The following KCNN3 variants were observed in gnomAD, a reference collection of about 807,000 sequenced individuals.
KCNN3 encodes the protein small conductance calcium-activated potassium channel protein 3.
In KCNN3, 16 loss-of-function variants were observed where a neutral mutation model predicts 62.9. The ratio of observed to expected loss-of-function variants is 0.25; its 90% confidence interval spans 0.17 to 0.39. The LOEUF (loss-of-function observed/expected upper bound fraction) is 0.39, where lower values mean the gene tolerates loss of function less well. Among genes scored for constraint, KCNN3 ranks in the 10% least tolerant of loss-of-function variants. The pLI, the probability that KCNN3 is intolerant of heterozygous loss-of-function variation, is 1.00. For synonymous variants in KCNN3, 370 were observed against 389.2 expected (o/e 0.95, Z 0.58); for missense variants, 599 against 949.4 (o/e 0.63, Z 4.85).
chr1:154,841,469 AG>A (rs1170132599), intron 1 of KCNN3, among the ~76,000 whole-genome samples: 2 of 152,190 alleles, frequency 1.3e-5, no homozygotes, highest in Non-Finnish European at 2.9e-5. Flanking sequence ...AAAGATCCCC[AG>A]GGGATTCCAA....
At chr1:154,786,755 T>C (rs986438797) in intron 2 of KCNN3, among the ~76,000 whole-genome samples, 2 of 152,216 alleles carry the variant, frequency 1.3e-5, no homozygotes, top group Non-Finnish European at 2.9e-5. Flanking sequence ...CCTATTGATT[T>C]TTTTCCTTTT....
At chr1:154,765,064 G>A (rs1571252772) in intron 3 of KCNN3, among the ~76,000 whole-genome samples, 1 of 152,138 alleles carries the variant, frequency 6.6e-6, no homozygotes, top group African/African-American at 2.4e-5. Context: ...GGATGCCTGT[G>A]TGCCTCTAGG....
intron 3 of KCNN3, among the ~76,000 whole-genome samples, chr1:154,757,582 T>C (rs1023196021): frequency 2.6e-5 from 4 of 152,202 alleles, no homozygotes; most frequent in African/African-American, 7.2e-5. Context: ...TCCCAGGCCA[T>C]TATGCCTGGG....
chr1:154,731,088 G>T (rs1700583466), intron 4 of KCNN3, among the ~76,000 whole-genome samples: 1 of 152,184 alleles, frequency 6.6e-6, no homozygotes, highest in African/African-American at 2.4e-5. Context: ...GAGGCTCCCG[G>T]CAGGGCCCAT....
rs1438160919 is a variant in KCNN3, at chr1:154,846,066, A to G, written c.933+22966T>C. ...TGGCACAGCACCCACACCAGCCAAC[A>G]CCAGCTGGCAGCGGCTGCCCTGGCT... On this transcript the variant is annotated intron_variant, in intron 1 of 7. Transcript: ENST00000271915. Among the ~76,000 whole-genome samples the G allele has an allele frequency of 2.0e-5, 3 of 152,230 alleles. No homozygotes were observed. The East Asian group carries it at 5.8e-4, about 29-fold the overall frequency.
In KCNN3 at chr1:154,857,841, C is replaced by T. The variant is rs1004624492; in HGVS notation, c.933+11191G>A. Among the ~76,000 whole-genome samples the T allele has an allele frequency of 3.9e-5, 6 of 152,280 alleles. No homozygotes were observed. The East Asian group carries it at 1.2e-3, about 29-fold the overall frequency. The stretch of plus-strand genomic sequence containing the variant: ...AGGCCCTTAATAAATATTCTCTTCT[C>T]CACCGCCTGTCACCTCTTCACTCCT... On this transcript the variant is annotated intron_variant, in intron 1 of 7. Coordinates refer to ENST00000271915, the MANE Select transcript of KCNN3 (RefSeq NM_002249.6).
chr1:154,841,124 T>C (rs891772454), intron 1 of KCNN3, among the ~76,000 whole-genome samples: 2 of 152,164 alleles, frequency 1.3e-5, no homozygotes, highest in Non-Finnish European at 2.9e-5. Context: ...GGAGGGTCTT[T>C]TCCGGGTAAA....
At chr1:154,816,497 G>A (rs143245116) in intron 2 of KCNN3, among the ~76,000 whole-genome samples, 1 of 152,336 alleles carries the variant, frequency 6.6e-6, no homozygotes, top group East Asian at 1.9e-4. Context: ...TGGCCTGGAT[G>A]TAGGGACGGC....
chr1:154,792,566 G>A (rs6683401), intron 2 of KCNN3, among the ~76,000 whole-genome samples: 2,544 of 152,292 alleles, frequency 0.017, 62 homozygotes, highest in African/African-American at 0.058. Context: ...TGCATGTTTT[G>A]TTATGGCCAT....
At chr1:154,850,026 T>C (rs1652240192) in intron 1 of KCNN3, among the ~76,000 whole-genome samples, 2 of 152,278 alleles carry the variant, frequency 1.3e-5, no homozygotes, top group South Asian at 4.1e-4. Flanking sequence ...CCCACTGTTC[T>C]CCCTCACTCC....
chr1:154,836,351 C>T (rs906648505), intron 1 of KCNN3, among the ~76,000 whole-genome samples: 18 of 152,310 alleles, frequency 1.2e-4, no homozygotes, highest in African/African-American at 4.1e-4. Context: ...GGGCTCCTGC[C>T]CCCCGTCTAT....
At chr1:154,739,573 T>C (rs1191811117) in intron 3 of KCNN3, among the ~76,000 whole-genome samples, 2 of 152,258 alleles carry the variant, frequency 1.3e-5, no homozygotes, top group African/African-American at 4.8e-5. Context: ...ATGACCTCGA[T>C]ATCCCCCCTC....
At chr1:154,821,286 C>T (rs911249999) in intron 2 of KCNN3, among the ~76,000 whole-genome samples, 10 of 152,198 alleles carry the variant, frequency 6.6e-5, no homozygotes, top group East Asian at 1.9e-4. Context: ...GGATGGTTTC[C>T]AGATTCACAT....
At chr1:154,859,888 C>T in intron 1 of KCNN3, 2 of 1,479,380 alleles carry the variant, frequency 1.4e-6, no homozygotes, top group South Asian at 2.6e-5. Context: ...AGAAAAATGC[C>T]CAACAAGCTG....
intron 1 of KCNN3, among the ~76,000 whole-genome samples, chr1:154,836,430 G>A (rs776839493): frequency 1.3e-5 from 2 of 152,148 alleles, no homozygotes; most frequent in East Asian, 1.9e-4. Context: ...CCAAAGCCTC[G>A]TTTTACAGAT....
chr1:154,715,699 G>A (rs1438989016), intron 5 of KCNN3, among the ~76,000 whole-genome samples: 6 of 151,848 alleles, frequency 4.0e-5, no homozygotes, highest in East Asian at 3.9e-4. Context: ...CTGCATGAGC[G>A]AGACCTTGAG....
At chr1:154,769,422 T>C (rs1003889195) in intron 3 of KCNN3, among the ~76,000 whole-genome samples, 3 of 152,206 alleles carry the variant, frequency 2.0e-5, no homozygotes, top group Non-Finnish European at 4.4e-5. Context: ...TTGTGACCCA[T>C]GTCTGCAGAG....
intron 2 of KCNN3, among the ~76,000 whole-genome samples, chr1:154,800,056 T>C (rs1557982542): frequency 6.6e-6 from 1 of 152,240 alleles, no homozygotes; most frequent in Non-Finnish European, 1.5e-5. Context: ...AACAGCCTCG[T>C]TGAACTGTAG....
In KCNN3 at chr1:154,702,350, G is replaced by C. The variant is rs1468792073; in HGVS notation, c.*5626C>G. ...ATATATTTCATATTTAAAATAAACTGTTATGCTTTCTCCTATCATTAAAAA... is the reference window on the plus strand; with the variant it reads ...ATATATTTCATATTTAAAATAAACTCTTATGCTTTCTCCTATCATTAAAAA... On this transcript the variant is annotated 3_prime_UTR_variant, in exon 8 of 8. Transcript: ENST00000271915. The C allele has an allele frequency of 6.6e-6, 1 of 151,686 alleles. No individual in the cohort carries two copies. Among genetic ancestry groups the C allele is most frequent in the African/African-American group, 2.4e-5 (1 of 41,296 alleles). 9.4% of individuals were successfully genotyped at this position (151,686 alleles called of 1,614,324 possible).
Sources: gnomAD v4.1 joint callset for allele counts (sites outside exome capture counted in the v4.1 genomes callset) on GRCh38, gnomAD v4.1.1 for gene constraint, MANE v1.5 for transcripts, NCBI Gene and HGNC (gene_info 2026-07-23, HGNC 2026-07-21) for gene names.